The following ERO1A variants were observed in gnomAD, a reference collection of about 807,000 sequenced individuals.
The protein encoded by ERO1A is ERO1-like protein alpha.
ERO1A carries 49 observed loss-of-function variants against 76.9 expected under a neutral mutation model. That is an observed-to-expected ratio of 0.64 (90% CI 0.51 to 0.81). The LOEUF is 0.81. ERO1A is among the 30% of genes least tolerant of loss of function. The pLI is 0.00. For missense variants in ERO1A, 448 were observed against 542.1 expected, an observed-to-expected ratio of 0.83 and a Z score of 1.72; for synonymous variants, 174 against 181.2, an observed-to-expected ratio of 0.96 and a Z score of 0.32.
At chr14:52,653,048 A>G (rs1197405368) in intron 12 of ERO1A, 21 bp downstream of exon 12, 1 of 1,440,104 alleles carries the variant, frequency 6.9e-7, no homozygotes, top group African/African-American at 1.4e-5. Context: ...ATTAATGTAT[A>G]AAGTTTAATA....
intron 9 of ERO1A, among the ~76,000 whole-genome samples, chr14:52,660,615 T>C (rs1393599230): frequency 1.3e-5 from 2 of 152,222 alleles, no homozygotes; most frequent in African/African-American, 4.8e-5. Context: ...TTCTGTTATT[T>C]AGACATAATG....
chr14:52,677,979 A>T (rs368447821), intron 4 of ERO1A, among the ~76,000 whole-genome samples: 3 of 151,964 alleles, frequency 2.0e-5, no homozygotes, highest in East Asian at 3.9e-4. Context: ...ATAAAATGCT[A>T]AACAGGCCGG....
chr14:52,651,106 CAAAAA>C (rs5808681), intron 13 of ERO1A, among the ~76,000 whole-genome samples: 1 of 102,348 alleles, frequency 9.8e-6, no homozygotes. Context: ...CTGTTTCTAC[CAAAAA>C]AAAAAAAAAA....
chr14:52,652,461 C>T (rs191865259), intron 12 of ERO1A, among the ~76,000 whole-genome samples, 153 bp from the exon 13 acceptor site: 1 of 152,202 alleles, frequency 6.6e-6, no homozygotes, highest in African/African-American at 2.4e-5. Flanking sequence ...ATCCTCAAAC[C>T]TCAAATCTTG....
chr14:52,663,865 T>G lies in ERO1A; in HGVS notation c.630-18A>C. On this transcript the variant is annotated intron_variant, in intron 7 of 15. Transcript: ENST00000395686. ...TCTGTGGCCTAGAAGTAAAAAGAAT[T>G]AAAAATATCAACACAAATATGTTAC... is the stretch of plus-strand genomic sequence containing the variant. 1 of 1,452,480 alleles carries G rather than the reference T, an allele frequency of 6.9e-7. No individual in the cohort carries two copies. The highest frequency in any genetic ancestry group is 9.6e-7 in the Non-Finnish European group (1 of 1,044,284). 90.0% of individuals were successfully genotyped at this position (1,452,480 alleles called of 1,614,324 possible).
chr14:52,644,811 T>A (rs900904839), intron 15 of ERO1A, among the ~76,000 whole-genome samples: 2 of 152,122 alleles, frequency 1.3e-5, no homozygotes, highest in African/African-American at 2.4e-5. Context: ...CACTTAGCTC[T>A]GCTCTCGATC....
In ERO1A at chr14:52,695,474, C is replaced by A. The variant is rs867787832; in HGVS notation, c.8G>T (p.Arg3Leu). The change falls in exon 1 of 16, where the codon CGC (arginine) becomes CTC (leucine). Residue 3 changes from arginine (R) to leucine (L), a missense_variant. Coordinates refer to ENST00000395686, the MANE Select transcript of ERO1A (RefSeq NM_014584.3). MG[R>L]GWGFLFGLLG... ...GAGGCCAAACAAGAATCCCCAGCCG[C>A]GGCCCATTGCAGCTCCGGCAGCTTG... 1 of 1,518,252 alleles carries A rather than the reference C, an allele frequency of 6.6e-7. No individual in the cohort carries two copies. The highest frequency in any genetic ancestry group is 8.8e-7 in the Non-Finnish European group (1 of 1,130,280). The allele number at this position is 1,518,252 out of a possible 1,614,324, so 94.0% of individuals were successfully genotyped here.
intron 9 of ERO1A, among the ~76,000 whole-genome samples, chr14:52,660,736 TTAAG>T (rs1289272221): frequency 1.3e-5 from 2 of 152,206 alleles, no homozygotes; most frequent in African/African-American, 4.8e-5. Context: ...CTAAGCACCA[TTAAG>T]TCTTTTCATA....
chr14:52,640,400 C>T lies in ERO1A; in HGVS notation c.*3170G>A, dbSNP rs984078251. On this transcript the variant is annotated 3_prime_UTR_variant, in exon 16 of 16. Transcript: ENST00000395686. ...GCAAAGAGTACAGCATTTACCAAGG[C>T]GGGAGGCCTGGCCAAATGTGGCTTC... 3.9e-5 allele frequency: 6 copies of T among 152,222 alleles called. No homozygotes were observed. In the East Asian group the frequency reaches 5.8e-4, roughly 15 times the overall value. 9.4% of individuals were successfully genotyped at this position (152,222 alleles called of 1,614,324 possible). A position where few individuals can be genotyped will look rare whatever the true frequency, so the allele number is the denominator to read the frequency against.
intron 1 of ERO1A, among the ~76,000 whole-genome samples, chr14:52,693,634 C>A (rs142982800): frequency 3.1e-3 from 473 of 152,182 alleles, no homozygotes; most frequent in African/African-American, 0.011. Context: ...AGACCACAGG[C>A]GCACACCATC....
Position 52,655,328 on chromosome 14 carries a change from G to A in ERO1A, c.809-2013C>T, listed in dbSNP as rs367874986. Among the ~76,000 whole-genome samples, 45 of 151,732 alleles carry A rather than the reference G, an allele frequency of 3.0e-4. No homozygotes were observed. In the South Asian group the frequency reaches 8.3e-3, roughly 28 times the overall value. ...TGTAGTGAGCCAAGATTGCACCACT[G>A]CACTCCAGCCTGGGCGACAGAGCAA... On this transcript the variant is annotated intron_variant, in intron 11 of 15. Coordinates refer to ENST00000395686, the MANE Select transcript of ERO1A (RefSeq NM_014584.3).
intron 11 of ERO1A, among the ~76,000 whole-genome samples, chr14:52,654,482 A>G (rs891660906): frequency 3.9e-5 from 6 of 152,190 alleles, no homozygotes; most frequent in African/African-American, 1.4e-4. Flanking sequence ...TATTGAGCCA[A>G]TTTGTTCAGG....
intron 11 of ERO1A, among the ~76,000 whole-genome samples, chr14:52,655,992 T>C (rs1250618523): frequency 1.3e-5 from 2 of 152,242 alleles, no homozygotes; most frequent in African/African-American, 4.8e-5. Context: ...TTAACATTTC[T>C]GTGGCAAGAG....
chr14:52,680,082 C>CAAAAAAAAAAA (rs35358193), intron 3 of ERO1A, among the ~76,000 whole-genome samples: 4 of 90,930 alleles, frequency 4.4e-5, no homozygotes, highest in Non-Finnish European at 6.6e-5. Flanking sequence ...AAAACACAAA[C>CAAAAAAAAAAA]AAAAAAAAAA....
intron 1 of ERO1A, among the ~76,000 whole-genome samples, chr14:52,688,564 G>T (rs941787890): frequency 1.3e-5 from 2 of 152,168 alleles, no homozygotes; most frequent in Admixed American, 1.3e-4. Flanking sequence ...TGCTTCCAAT[G>T]AAAGGGAAGC....
intron 1 of ERO1A, among the ~76,000 whole-genome samples, chr14:52,689,483 T>A (rs973038420): frequency 3.3e-5 from 5 of 152,066 alleles, no homozygotes; most frequent in Admixed American, 2.6e-4. Flanking sequence ...TGTGCTTCTA[T>A]ACACTAACAA....
At chr14:52,673,768 G>A (rs2040690165) in intron 4 of ERO1A, among the ~76,000 whole-genome samples, 1 of 151,164 alleles carries the variant, frequency 6.6e-6, no homozygotes, top group Non-Finnish European at 1.5e-5. Flanking sequence ...GACAGGATCT[G>A]GTTCTGTCAC....
chr14:52,682,235 T>G, intron 3 of ERO1A, 90 bp downstream of exon 3: 2 of 1,067,230 alleles, frequency 1.9e-6, no homozygotes, highest in Non-Finnish European at 2.7e-6. Context: ...CTCTATTTTT[T>G]CAAAAAAAAA....
At chr14:52,646,075 A>G in intron 15 of ERO1A, 79 bp downstream of exon 15, 1 of 1,433,792 alleles carries the variant, frequency 7.0e-7, no homozygotes, top group Non-Finnish European at 9.4e-7. Context: ...GATATTCCTT[A>G]CCCAGTTTTT....
Sources: allele counts gnomAD v4.1 joint callset (sites outside exome capture counted in the v4.1 genomes callset), GRCh38; gene constraint gnomAD v4.1.1; transcripts MANE v1.5; gene names NCBI Gene and HGNC (gene_info 2026-07-23, HGNC 2026-07-21).